MED23: variants seen among roughly 807,000 people sequenced by gnomAD.
MED23 encodes mediator complex subunit 23.
Under a neutral mutation model 163.9 loss-of-function variants are expected in MED23, and 105 were observed. That is an observed-to-expected ratio of 0.64 (90% CI 0.55 to 0.75). The LOEUF is 0.75. Among genes scored for constraint, MED23 ranks in the 30% least tolerant of loss-of-function variants. The pLI is 0.00. For missense variants in MED23, 1,054 were observed against 1,649.0 expected (o/e 0.64, Z 6.25); for synonymous variants, 561 against 565.6 (o/e 0.99, Z 0.12).
At chr6:131,618,567 A>G in intron 8 of MED23, 48 bp from the exon 9 acceptor site, 1 of 1,113,472 alleles carries the variant, frequency 9.0e-7, no homozygotes, top group South Asian at 1.3e-5. Context: ...ACACAGCAGT[A>G]CTTCATTCAC....
chr6:131,613,659 A>G (rs558809484), intron 10 of MED23, among the ~76,000 whole-genome samples: 9 of 152,306 alleles, frequency 5.9e-5, no homozygotes, highest in African/African-American at 1.9e-4. Context: ...AAAGTTTTCT[A>G]TGAAAACGAT....
intron 23 of MED23, among the ~76,000 whole-genome samples, chr6:131,593,674 AAATAT>A (rs1471706543): frequency 6.6e-6 from 1 of 152,158 alleles, no homozygotes; most frequent in African/African-American, 2.4e-5. Flanking sequence ...ATTTTCACTA[AAATAT>A]ACCTTTTCAA....
At position 131,598,793 on chromosome 6, in the gene MED23, GT is replaced by G. The variant is rs753841042; in HGVS notation, c.2221-33del. 2 of 1,592,636 alleles carry G rather than the reference GT, an allele frequency of 1.3e-6. No homozygotes were observed. The highest frequency in any genetic ancestry group is 3.3e-5 in the Admixed American group (2 of 59,942). On this transcript the variant is annotated intron_variant, in intron 18 of 28. Transcript: ENST00000368068. The surrounding 1 kb of genome is among the most constrained non-coding windows in gnomAD (Gnocchi z 4.7). ...AGAGGATTAGAAGTTTATTTCATTG[GT>G]TATAGTAGAAAGAGCACTGGATATG...
chr6:131,606,263 A>C (rs922597348), intron 13 of MED23, among the ~76,000 whole-genome samples: 1 of 152,118 alleles, frequency 6.6e-6, no homozygotes, highest in South Asian at 2.1e-4. Flanking sequence ...TAAAAAAAAA[A>C]ATCTATACAT....
At position 131,602,314 on chromosome 6, in the gene MED23, G is replaced by A. The variant is rs1240522677; in HGVS notation, c.1999C>T (p.Arg667Cys). ...ACTGTTTTGGGATCACTAAGGAAGCGTGTAAACTGCGGTTGTACCTCTGAG... is the reference window on the plus strand; with the variant it reads ...ACTGTTTTGGGATCACTAAGGAAGCATGTAAACTGCGGTTGTACCTCTGAG... The part of the protein sequence containing the change: ...GSSEVQPQFT[R>C]FLSDPKTVLS... The change falls in exon 17 of 29, where the codon CGC becomes TGC. Residue 667 changes from arginine (R) to cysteine (C), a missense_variant. Around this residue, in one of 11 missense-constraint regions of MED23, gnomAD observed 228 missense variants for 461.3 expected, o/e 0.49. Transcript: ENST00000368068. 1 of 1,613,784 alleles carries A rather than the reference G, an allele frequency of 6.2e-7. No individual in the cohort carries two copies. Among genetic ancestry groups the A allele is most frequent in the East Asian group, 2.2e-5 (1 of 44,874 alleles).
intron 24 of MED23, 179 bp from the exon 25 acceptor site, chr6:131,592,639 G>A: frequency 4.7e-6 from 3 of 634,372 alleles, no homozygotes; most frequent in South Asian, 2.0e-5. Flanking sequence ...AACTCAAGAA[G>A]GCTTTTTAAA....
chr6:131,593,421 G>A (rs1774799057), intron 23 of MED23, among the ~76,000 whole-genome samples: 11 of 152,022 alleles, frequency 7.2e-5, no homozygotes, highest in Admixed American at 7.2e-4. Context: ...ATGCAACCAA[G>A]GTTTACCTAG....
rs116563325 is a variant in MED23, at chr6:131,596,818, C to T, written c.2608-130G>A. ...AATTTCCTTAGACGTCTAGTCTATC[C>T]CAAACCAACTGTTCAGTATTCCCCA... On this transcript the variant is annotated intron_variant, in intron 20 of 28. Coordinates refer to ENST00000368068, the MANE Select transcript of MED23 (RefSeq NM_004830.4). 2,099 of 848,400 alleles carry T rather than the reference C, an allele frequency of 2.5e-3. 17 individuals carry two copies. Among genetic ancestry groups the T allele is most frequent in the South Asian group, 0.016 (1,053 of 64,436 alleles). The allele number at this position is 848,400 out of a possible 1,614,324, so 52.6% of individuals were successfully genotyped here.
intron 10 of MED23, among the ~76,000 whole-genome samples, chr6:131,612,516 T>C (rs1422238268): frequency 6.6e-6 from 1 of 152,130 alleles, no homozygotes; most frequent in Non-Finnish European, 1.5e-5. Flanking sequence ...AGCCAATGGA[T>C]GCTATCCCTA....
chr6:131,587,316 A>C lies in MED23; in HGVS notation c.*363T>G. 9.2e-7 allele frequency: 1 copy of C among 1,085,430 alleles called. No individual in the cohort carries two copies. The highest frequency in any genetic ancestry group is 1.1e-6 in the Non-Finnish European group (1 of 889,208). 67.2% of individuals were successfully genotyped at this position (1,085,430 alleles called of 1,614,324 possible). The stretch of plus-strand genomic sequence containing the variant: ...TGCCTTTAAAATAATATATCTGAAG[A>C]CTAAATATGTCATTAATAATAAAAA... On this transcript the variant is annotated 3_prime_UTR_variant, in exon 29 of 29. Coordinates refer to ENST00000368068, the MANE Select transcript of MED23 (RefSeq NM_004830.4).
rs754510218 is a variant in MED23 at position 131,621,893 on chromosome 6, C to G, written c.483G>C (p.Leu161=). The change falls in exon 6 of 29, where the codon CTG becomes CTC. Residue 161 remains leucine, a synonymous_variant. Coordinates refer to ENST00000368068, the MANE Select transcript of MED23 (RefSeq NM_004830.4). The part of the protein sequence containing the change: ...TVSSAVVQQL[L]AAREVIAYIL... ...ATGTCTAAATTACCTCTCTTGCTGC[C>G]AGAAGCTGCTGTACAACAGCAGAGC... is the stretch of plus-strand genomic sequence containing the variant. 6.2e-7 allele frequency: 1 copy of G among 1,607,532 alleles called. No individual in the cohort carries two copies. The highest frequency in any genetic ancestry group is 8.5e-7 in the Non-Finnish European group (1 of 1,177,092).
chr6:131,593,197 T>C, intron 23 of MED23, 26 bp from the exon 24 acceptor site: 1 of 1,613,858 alleles, frequency 6.2e-7, no homozygotes, highest in Non-Finnish European at 8.5e-7. Context: ...GCAATAACAA[T>C]TGGACTATCT....
chr6:131,624,788 C>A, intron 4 of MED23, 77 bp downstream of exon 4: 1 of 1,514,800 alleles, frequency 6.6e-7, no homozygotes. Context: ...TACCTTTTTA[C>A]AACAACAACC....
chr6:131,591,291 T>C (rs1774612185), intron 26 of MED23, 22 bp downstream of exon 26: 1 of 1,586,726 alleles, frequency 6.3e-7, no homozygotes, highest in Admixed American at 1.7e-5. Flanking sequence ...GTCAAATTTC[T>C]TTAAGAAATT....
chr6:131,613,891 A>G (rs935233160), intron 10 of MED23, among the ~76,000 whole-genome samples: 1 of 152,170 alleles, frequency 6.6e-6, no homozygotes, highest in Non-Finnish European at 1.5e-5. Context: ...CCCCCAAGAG[A>G]AAAAAGCTTA....
intron 13 of MED23, 101 bp from the exon 14 acceptor site, chr6:131,605,586 T>C (rs1775798158): frequency 9.1e-7 from 1 of 1,093,022 alleles, no homozygotes. Context: ...TATTTATTAA[T>C]GCTATCTTTG....
At chr6:131,588,132 G>T (rs773574342) in intron 28 of MED23, among the ~76,000 whole-genome samples, 1 of 152,074 alleles carries the variant, frequency 6.6e-6, no homozygotes, top group Non-Finnish European at 1.5e-5. Context: ...TTACAAAGGC[G>T]TATCCACTCA....
At chr6:131,597,205 G>A (rs187281859) in intron 20 of MED23, among the ~76,000 whole-genome samples, 99 of 152,074 alleles carry the variant, frequency 6.5e-4, no homozygotes, top group Middle Eastern at 3.4e-3. Context: ...GGCCAGGCGC[G>A]GTGGCTCACA....
intron 13 of MED23, 37 bp downstream of exon 13, chr6:131,606,442 A>C (rs766828714): frequency 1.7e-5 from 28 of 1,601,088 alleles, no homozygotes; most frequent in Non-Finnish European, 2.1e-5. Context: ...CTATTAATTA[A>C]ACAAGAAAAT....
Sources: gnomAD v4.1 joint callset for allele counts (sites outside exome capture counted in the v4.1 genomes callset) on GRCh38, gnomAD v4.1.1 for gene constraint, gnomAD v4.1.1 regional missense constraint, Gnocchi (gnomAD v3.1) non-coding constraint, MANE v1.5 for transcripts, NCBI Gene and HGNC (gene_info 2026-07-23, HGNC 2026-07-21) for gene names.